Variants in EFCAB6 observed in about 807,000 individuals in gnomAD.
EFCAB6 encodes the protein EF-hand calcium-binding domain-containing protein 6.
A neutral mutation model predicts 169.8 loss-of-function variants in EFCAB6; 156 were observed. That is an observed-to-expected ratio of 0.92 (90% CI 0.81 to 1.05). The LOEUF is 1.05. EFCAB6 is among the 50% of genes least tolerant of loss of function. The probability of loss-of-function intolerance (pLI) is 0.00; values close to 1 mark genes in which losing one functional copy is unlikely to be tolerated. For missense variants in EFCAB6, 1,800 were observed against 1,829.1 expected (o/e 0.98, Z 0.29); for synonymous variants, 698 against 676.4 (o/e 1.03, Z -0.50).
chr22:43,537,299 G>T lies in EFCAB6; in HGVS notation c.4048+78C>A. On this transcript the variant is annotated intron_variant, in intron 29 of 31. Coordinates refer to ENST00000262726, the MANE Select transcript of EFCAB6 (RefSeq NM_022785.4). This position sits in a 1 kb window ranked among gnomAD's most constrained non-coding sequence, Gnocchi z 4.3. ...GCTCCCTGGCCTCCACCCGGGGTGT[G>T]GCTTTGTACCCAGTGGGAACAGCCT... The T allele has an allele frequency of 6.5e-7, 1 of 1,541,424 alleles. No homozygotes were observed. Among genetic ancestry groups the T allele is most frequent in the Non-Finnish European group, 8.8e-7 (1 of 1,137,538 alleles).
intron 17 of EFCAB6, among the ~76,000 whole-genome samples, chr22:43,656,334 T>G (rs183471867): frequency 5.3e-5 from 8 of 151,510 alleles, no homozygotes; most frequent in Non-Finnish European, 7.4e-5. Flanking sequence ...AGATTTGCAG[T>G]GAGCCAAGAT....
chr22:43,599,425 G>A (rs377639950), intron 23 of EFCAB6, among the ~76,000 whole-genome samples: 19 of 141,566 alleles, frequency 1.3e-4, no homozygotes, highest in East Asian at 9.3e-4. Context: ...CAGGAGAATC[G>A]CTTGAACCCG....
chr22:43,714,497 T>C (rs1348096304), intron 9 of EFCAB6, among the ~76,000 whole-genome samples: 3 of 150,440 alleles, frequency 2.0e-5, no homozygotes, highest in Admixed American at 6.7e-5. Flanking sequence ...TGCCGAGATA[T>C]AGCTTTGTTT....
intron 3 of EFCAB6, among the ~76,000 whole-genome samples, chr22:43,774,454 C>T (rs192792024): frequency 8.6e-5 from 13 of 151,890 alleles, no homozygotes; most frequent in Admixed American, 7.2e-4. Context: ...CCACGCCACA[C>T]AGGGACTGCG....
At chr22:43,578,960 A>ATACACATAGGCATCATTCCG (rs2050468989) in intron 25 of EFCAB6, among the ~76,000 whole-genome samples, 1 of 132,450 alleles carries the variant, frequency 7.6e-6, no homozygotes, top group Non-Finnish European at 1.6e-5. Flanking sequence ...GCATCATTCC[A>ATACACATAGGCATCATTCCG]TACACATAGG....
chr22:43,669,676 T>C (rs2057404908), intron 15 of EFCAB6, among the ~76,000 whole-genome samples: 1 of 152,224 alleles, frequency 6.6e-6, no homozygotes, highest in South Asian at 2.1e-4. Context: ...TATTGACATA[T>C]GATGAATTTC....
chr22:43,773,024 A>T lies in EFCAB6; in HGVS notation c.219T>A (p.Asp73Glu), dbSNP rs1425992889. The T allele has an allele frequency of 1.9e-6, 3 of 1,614,112 alleles. No homozygotes were observed. The Admixed American group carries it at 5.0e-5, about 27-fold the overall frequency. Residue 73 changes from aspartate (D) to glutamate (E), a missense_variant, in exon 4 of 32, where the codon GAT (aspartate) becomes GAA (glutamate). Transcript: ENST00000262726. The stretch of plus-strand genomic sequence containing the variant: ...GCAGCTGAAAGGCTTTTTGCAACTC[A>T]TCCCCTCTGTCGGTAATTTTTTGAA... ...ILFQKITDRGDELQKAFQLLD... is the reference protein window; with the variant it reads ...ILFQKITDRGEELQKAFQLLD...
rs1316198980 is a variant in EFCAB6, at chr22:43,735,962, G to T, written c.539C>A (p.Ala180Asp). The T allele has an allele frequency of 6.2e-7, 1 of 1,613,816 alleles. No homozygotes were observed. The highest frequency in any genetic ancestry group is 2.2e-5 in the East Asian group (1 of 44,872). ...CTTGTTAACATCAATGAGCTCAAAG[G>T]CTTTCATAACAGTCTTAATGTTTTT... is the stretch of plus-strand genomic sequence containing the variant. ...VFKNIKTVMK[A>D]FELIDVNKTG... is the part of the protein sequence containing the mutation. Residue 180 changes from alanine to aspartate, a missense_variant, in exon 7 of 32, where the codon GCC (alanine) becomes GAC (aspartate). Ala to Asp is a moderately radical substitution (Grantham distance 126, BLOSUM62 -2). Transcript: ENST00000262726.
At chr22:43,648,019 A>G (rs2056272494) in intron 17 of EFCAB6, among the ~76,000 whole-genome samples, 1 of 152,194 alleles carries the variant, frequency 6.6e-6, no homozygotes, top group Non-Finnish European at 1.5e-5. Context: ...GCCCTAGGAA[A>G]CTATTAGTTT....
At chr22:43,535,016 G>A (rs955795841) in intron 29 of EFCAB6, 144 bp from the exon 30 acceptor site, 30 of 780,978 alleles carry the variant, frequency 3.8e-5, no homozygotes, top group Middle Eastern at 7.4e-4. Flanking sequence ...GTTGGTGGCT[G>A]GACATATGTG....
At chr22:43,739,928 C>T (rs1267275852) in intron 6 of EFCAB6, among the ~76,000 whole-genome samples, 41 of 152,088 alleles carry the variant, frequency 2.7e-4, no homozygotes, top group Admixed American at 2.7e-3. Flanking sequence ...CCCCCCAGGG[C>T]TCCCATTCCA....
At chr22:43,793,457 A>T (rs370617824) in intron 2 of EFCAB6, among the ~76,000 whole-genome samples, 21 of 152,360 alleles carry the variant, frequency 1.4e-4, no homozygotes, top group East Asian at 1.2e-3. Context: ...CCATTCTCTC[A>T]ACCATCCATT....
In EFCAB6 at chr22:43,590,024, G is replaced by A. The variant is rs538354381; in HGVS notation, c.3032+50C>T. 500 of 1,584,348 alleles carry A rather than the reference G, an allele frequency of 3.2e-4. 6 individuals are homozygous for A. The South Asian group carries it at 5.5e-3, about 18-fold the overall frequency. ...CAGAAGAAACAAAGGCAATTCTCCA[G>A]TATGTTTTTCAGGGCCATGAGAAAC... On this transcript the variant is annotated intron_variant, in intron 24 of 31. Coordinates refer to ENST00000262726, the MANE Select transcript of EFCAB6 (RefSeq NM_022785.4).
chr22:43,694,103 A>G (rs1012518393), intron 10 of EFCAB6, among the ~76,000 whole-genome samples: 8 of 152,028 alleles, frequency 5.3e-5, no homozygotes, highest in African/African-American at 1.9e-4. Flanking sequence ...AACCAATATG[A>G]AGAATACAGA....
intron 13 of EFCAB6, among the ~76,000 whole-genome samples, chr22:43,675,250 TTA>T (rs2057675401): frequency 7.0e-6 from 1 of 143,196 alleles, no homozygotes; most frequent in Non-Finnish European, 1.5e-5. Context: ...TTATTATATA[TTA>T]TGTGTATATA....
chr22:43,762,234 G>C (rs984958345), intron 5 of EFCAB6, among the ~76,000 whole-genome samples: 1 of 152,204 alleles, frequency 6.6e-6, no homozygotes, highest in African/African-American at 2.4e-5. Context: ...CTTTTGTGAT[G>C]AAGGTTTATA....
chr22:43,675,204 TAA>T lies in EFCAB6; in HGVS notation c.1419+2790_1419+2791del, dbSNP rs1047731428. On this transcript the variant is annotated intron_variant, in intron 13 of 31. Transcript: ENST00000262726. Reference sequence around the variant, plus strand: ...TATAATATAGCTAATTTGTAATATATAATATATATCATATAACTATGTATATA... The same window carrying T: ...TATAATATAGCTAATTTGTAATATATTATATATCATATAACTATGTATATA... 1.1e-4 allele frequency among the ~76,000 whole-genome samples: 16 copies of T among 145,750 alleles called. No homozygotes were observed. The East Asian group carries it at 1.8e-3, about 16-fold the overall frequency.
chr22:43,586,507 A>C (rs1438348691), intron 24 of EFCAB6, among the ~76,000 whole-genome samples: 1 of 151,914 alleles, frequency 6.6e-6, no homozygotes, highest in Non-Finnish European at 1.5e-5. Context: ...TTACAAAGTG[A>C]GGGACGTAAG....
At position 43,537,163 on chromosome 22, in the gene EFCAB6, G is replaced by A. The variant is rs2047431213; in HGVS notation, c.4048+214C>T. 7.6e-6 allele frequency: 4 copies of A among 525,694 alleles called. No homozygotes were observed. The highest frequency in any genetic ancestry group is 1.9e-5 in the African/African-American group (1 of 52,928). 32.6% of individuals were successfully genotyped at this position (525,694 alleles called of 1,614,324 possible). A position where few individuals can be genotyped will look rare whatever the true frequency, so the allele number is the denominator to read the frequency against. ...AGTGCAGCGCTGACTTTACCATGCAGATGGGCCCCCTGCTGGGAGGGCCGG... is the reference window on the plus strand; with the variant it reads ...AGTGCAGCGCTGACTTTACCATGCAAATGGGCCCCCTGCTGGGAGGGCCGG... On this transcript the variant is annotated intron_variant, in intron 29 of 31. Transcript: ENST00000262726. The surrounding 1 kb of genome is among the most constrained non-coding windows in gnomAD (Gnocchi z 4.3).
Sources: allele counts gnomAD v4.1 joint callset (sites outside exome capture counted in the v4.1 genomes callset), GRCh38; gene constraint gnomAD v4.1.1; non-coding constraint Gnocchi (gnomAD v3.1); transcripts MANE v1.5; gene names NCBI Gene and HGNC (gene_info 2026-07-23, HGNC 2026-07-21).